The following AGK variants were observed in gnomAD, a reference collection of about 807,000 sequenced individuals.
AGK encodes the protein acylglycerol kinase, mitochondrial.
In AGK, 52 loss-of-function variants were observed where a neutral mutation model predicts 66.4. The ratio of observed to expected loss-of-function variants is 0.78; its 90% CI spans 0.63 to 0.99. The LOEUF is 0.99. AGK is among the 50% of genes least tolerant of loss of function. The probability of loss-of-function intolerance (pLI) is 0.00; values close to 1 mark genes in which losing one functional copy is unlikely to be tolerated. For missense variants in AGK, 451 were observed against 506.6 expected, an observed-to-expected ratio of 0.89 and a Z score of 1.05; for synonymous variants, 182 against 181.1, an observed-to-expected ratio of 1.00 and a Z score of -0.04.
intron 9 of AGK, among the ~76,000 whole-genome samples, chr7:141,629,565 C>A (rs1797011230): frequency 6.6e-6 from 1 of 152,116 alleles, no homozygotes; most frequent in South Asian, 2.1e-4. Flanking sequence ...CTCTCCATGA[C>A]TGGTCCTCAG....
chr7:141,606,687 CTTTTCATTTGCATAG>C (rs1457246188), intron 5 of AGK, among the ~76,000 whole-genome samples: 1 of 152,106 alleles, frequency 6.6e-6, no homozygotes, highest in African/African-American at 2.4e-5. Context: ...TGCATTTGCT[CTTTTCATTTGCATAG>C]TTTTCATTTG....
At chr7:141,622,724 C>T (rs1379163752) in intron 9 of AGK, among the ~76,000 whole-genome samples, 1 of 152,108 alleles carries the variant, frequency 6.6e-6, no homozygotes, top group Admixed American at 6.5e-5. Context: ...TAAGTGTTCA[C>T]ATAAAGAAGA....
At chr7:141,640,292 TCAC>T (rs1438334204) in intron 11 of AGK, among the ~76,000 whole-genome samples, 4 of 152,014 alleles carry the variant, frequency 2.6e-5, no homozygotes, top group Non-Finnish European at 5.9e-5. Flanking sequence ...AAGCTAATTT[TCAC>T]CACATGAAAA....
chr7:141,578,091 T>A (rs776147697), intron 2 of AGK, among the ~76,000 whole-genome samples: 2 of 152,132 alleles, frequency 1.3e-5, no homozygotes, highest in South Asian at 2.1e-4. Flanking sequence ...CGCGCGTCCA[T>A]GTGAAGAGAC....
intron 2 of AGK, among the ~76,000 whole-genome samples, chr7:141,558,385 G>A (rs1456848442): frequency 2.0e-5 from 3 of 151,196 alleles, no homozygotes; most frequent in East Asian, 1.9e-4. Flanking sequence ...CGCTGGTCTC[G>A]AACTCCTGAC....
At chr7:141,634,586 G>A (rs1797130528) in intron 10 of AGK, among the ~76,000 whole-genome samples, 3 of 152,198 alleles carry the variant, frequency 2.0e-5, no homozygotes, top group African/African-American at 7.2e-5. Context: ...TGAAACTCTT[G>A]GCTTGGAGAG....
intron 2 of AGK, among the ~76,000 whole-genome samples, chr7:141,575,857 A>G (rs1046236264): frequency 6.6e-6 from 1 of 151,932 alleles, no homozygotes; most frequent in African/African-American, 2.4e-5. Flanking sequence ...GGTAAAACAT[A>G]TTTTGGCAAA....
At chr7:141,589,168 C>G (rs1796055418) in intron 2 of AGK, among the ~76,000 whole-genome samples, 1 of 152,120 alleles carries the variant, frequency 6.6e-6, no homozygotes, top group South Asian at 2.1e-4. Context: ...CACTTAGTAA[C>G]TCTGTGTTTT....
At chr7:141,559,296 G>A (rs959639763) in intron 2 of AGK, among the ~76,000 whole-genome samples, 5 of 151,972 alleles carry the variant, frequency 3.3e-5, no homozygotes, top group African/African-American at 1.2e-4. Flanking sequence ...TTTTTATATG[G>A]TATAAGATAG....
intron 2 of AGK, among the ~76,000 whole-genome samples, chr7:141,583,636 C>A (rs956754563): frequency 1.3e-5 from 2 of 151,920 alleles, no homozygotes; most frequent in African/African-American, 2.4e-5. Flanking sequence ...TTATCAGACA[C>A]CTCTTAAACA....
intron 8 of AGK, among the ~76,000 whole-genome samples, chr7:141,620,735 A>G (rs1796806184): frequency 7.0e-6 from 1 of 143,008 alleles, no homozygotes; most frequent in African/African-American, 2.6e-5. Flanking sequence ...TGCCTCCAGG[A>G]GCTCAACCAG....
Position 141,641,294 on chromosome 7 carries a change from CAG to C in AGK, c.779_780del (p.Arg260ThrfsTer4). 1.9e-6 allele frequency: 3 copies of C among 1,613,996 alleles called. No homozygotes were observed. Among genetic ancestry groups the C allele is most frequent in the East Asian group, 2.2e-5 (1 of 44,874 alleles). ...GCCTCTATCTCATACACGGGACCTA[CAG>C]AGAGACCTCCCAATGAACCAGAGGA... is the stretch of plus-strand genomic sequence containing the variant. On this transcript the variant is annotated frameshift_variant, in exon 12 of 16. Coordinates refer to ENST00000649286, the MANE Select transcript of AGK (RefSeq NM_018238.4). LOFTEE classifies it high-confidence loss of function.
chr7:141,584,753 C>T (rs1488657366), intron 2 of AGK, among the ~76,000 whole-genome samples: 2 of 152,154 alleles, frequency 1.3e-5, no homozygotes, highest in Non-Finnish European at 2.9e-5. Context: ...TTTTCTTTTG[C>T]TAAACTTTTC....
intron 8 of AGK, among the ~76,000 whole-genome samples, chr7:141,617,862 C>CT (rs1392503960): frequency 2.0e-5 from 3 of 151,988 alleles, no homozygotes; most frequent in Non-Finnish European, 4.4e-5. Flanking sequence ...TTTCTGATAG[C>CT]TTTTTTCAGA....
chr7:141,582,160 T>C (rs1257951372), intron 2 of AGK, among the ~76,000 whole-genome samples: 1 of 151,972 alleles, frequency 6.6e-6, no homozygotes, highest in Non-Finnish European at 1.5e-5. Context: ...CAATTTCCAG[T>C]GGGGTCCTGT....
intron 4 of AGK, 24 bp downstream of exon 4, chr7:141,596,665 T>G: frequency 6.2e-7 from 1 of 1,602,492 alleles, no homozygotes; most frequent in Non-Finnish European, 8.5e-7. Context: ...TGACTTGTTA[T>G]ATACTTGCTT....
chr7:141,596,748 T>C (rs1796235776), intron 4 of AGK, 107 bp downstream of exon 4: 4 of 917,330 alleles, frequency 4.4e-6, no homozygotes, highest in Non-Finnish European at 7.0e-6. Flanking sequence ...GAACTAGGTT[T>C]AGTACTCTTC....
intron 8 of AGK, among the ~76,000 whole-genome samples, chr7:141,619,674 A>T (rs893306368): frequency 7.0e-6 from 1 of 141,894 alleles, no homozygotes; most frequent in Admixed American, 6.8e-5. Flanking sequence ...CATAAACAAG[A>T]AAAAAAAAAA....
chr7:141,563,390 T>G (rs909132035), intron 2 of AGK, among the ~76,000 whole-genome samples: 2 of 152,246 alleles, frequency 1.3e-5, no homozygotes, highest in African/African-American at 4.8e-5. Flanking sequence ...CCTTCAAGAC[T>G]TTTATCTGGC....
Sources: gnomAD v4.1 joint callset for allele counts (sites outside exome capture counted in the v4.1 genomes callset) on GRCh38, gnomAD v4.1.1 for gene constraint, MANE v1.5 for transcripts, NCBI Gene and HGNC (gene_info 2026-07-23, HGNC 2026-07-21) for gene names.